ALDH1L2: variants seen among roughly 807,000 people sequenced by gnomAD.
ALDH1L2 encodes the protein aldehyde dehydrogenase 1 family member L2, also known as mitochondrial 10-formyltetrahydrofolate dehydrogenase.
A neutral mutation model predicts 111.0 loss-of-function variants in ALDH1L2; 91 were observed. That is an observed-to-expected ratio of 0.82 (90% confidence interval 0.69 to 0.98). ALDH1L2 has a LOEUF of 0.98. Among genes scored for constraint, ALDH1L2 ranks in the 50% least tolerant of loss-of-function variants. The pLI is 0.00. For missense variants in ALDH1L2, 995 were observed against 1,126.8 expected, an observed-to-expected ratio of 0.88 and a Z score of 1.67; for synonymous variants, 374 against 392.6, an observed-to-expected ratio of 0.95 and a Z score of 0.56.
intron 10 of ALDH1L2, among the ~76,000 whole-genome samples, chr12:105,057,187 A>G (rs936438681): frequency 6.6e-6 from 1 of 152,132 alleles, no homozygotes; most frequent in Non-Finnish European, 1.5e-5. Context: ...GTCATTAGGG[A>G]ATACAAATGA....
chr12:105,029,472 G>A (rs1478369193), intron 21 of ALDH1L2, among the ~76,000 whole-genome samples: 1 of 152,016 alleles, frequency 6.6e-6, no homozygotes, highest in Non-Finnish European at 1.5e-5. Context: ...ACTCCTTAAG[G>A]TCAGGGGCTG....
At chr12:105,060,224 A>G (rs1045971495) in intron 9 of ALDH1L2, among the ~76,000 whole-genome samples, 1 of 152,182 alleles carries the variant, frequency 6.6e-6, no homozygotes, top group Non-Finnish European at 1.5e-5. Flanking sequence ...AATATCAGGT[A>G]TCAGATATTA....
Position 105,046,705 on chromosome 12 carries a change from C to T in ALDH1L2, c.1863+5G>A. 1.2e-6 allele frequency: 2 copies of T among 1,613,528 alleles called. No homozygotes were observed. The highest frequency in any genetic ancestry group is 1.7e-6 in the Non-Finnish European group (2 of 1,179,564). On this transcript the variant is annotated splice_donor_5th_base_variant and intron_variant, in intron 15 of 22. Transcript: ENST00000258494. ...AATTCTGCACCTGGCCCTTTGTGGC[C>T]TTACCTGTGCTGGCTTGAGCACTAA...
At position 105,026,687 on chromosome 12, in the gene ALDH1L2, C is replaced by T; in HGVS notation, c.2574G>A (p.Gly858=). 2 of 1,614,162 alleles carry T rather than the reference C, an allele frequency of 1.2e-6. No homozygotes were observed. Among genetic ancestry groups the T allele is most frequent in the Admixed American group, 1.7e-5 (1 of 60,006 alleles). The stretch of plus-strand genomic sequence containing the variant: ...CTTTGTTTATGTCTCTTGTAAAAAC[C>T]CCTGAGGCCAAACCATACTCTGTAC... ...ANSTEYGLAS[G]VFTRDINKAM... The change falls in exon 22 of 23, where the codon GGG becomes GGA. Residue 858 remains glycine (G), a synonymous_variant. Transcript: ENST00000258494.
chr12:105,060,129 T>A (rs540731644), intron 9 of ALDH1L2, among the ~76,000 whole-genome samples: 27 of 151,702 alleles, frequency 1.8e-4, no homozygotes, highest in Non-Finnish European at 3.4e-4. Flanking sequence ...AGTAGCCTGA[T>A]AACCCTCATT....
intron 6 of ALDH1L2, 125 bp downstream of exon 6, chr12:105,065,142 A>G (rs1383980891): frequency 1.8e-6 from 1 of 546,802 alleles, no homozygotes; most frequent in Admixed American, 2.7e-5. Flanking sequence ...AGTAAAGGGG[A>G]GAGTGAATCA....
intron 10 of ALDH1L2, among the ~76,000 whole-genome samples, chr12:105,057,295 C>T (rs1876690379): frequency 6.6e-6 from 1 of 151,890 alleles, no homozygotes; most frequent in South Asian, 2.1e-4. Flanking sequence ...AAGTTGAAAC[C>T]CTCATACATT....
At chr12:105,030,097 C>G (rs1197224549) in intron 21 of ALDH1L2, 2 of 322,180 alleles carry the variant, frequency 6.2e-6, no homozygotes, top group Non-Finnish European at 1.1e-5. Context: ...AAAATTTATT[C>G]AGCTAAAAGC....
At chr12:105,053,226 A>G (rs1876407028) in intron 10 of ALDH1L2, among the ~76,000 whole-genome samples, 1 of 152,230 alleles carries the variant, frequency 6.6e-6, no homozygotes, top group African/African-American at 2.4e-5. Flanking sequence ...AGATAATGGA[A>G]ACACCACCAT....
At chr12:105,058,951 T>C (rs1006965687) in intron 9 of ALDH1L2, among the ~76,000 whole-genome samples, 2 of 151,800 alleles carry the variant, frequency 1.3e-5, no homozygotes, top group Admixed American at 6.6e-5. Flanking sequence ...AGGAGTATCT[T>C]GCTAGCAAAA....
In ALDH1L2 at chr12:105,052,170, T is replaced by C; in HGVS notation, c.1455A>G (p.Ala485=). 1 of 1,611,726 alleles carries C rather than the reference T, an allele frequency of 6.2e-7. No homozygotes were observed. Among genetic ancestry groups the C allele is most frequent in the Non-Finnish European group, 8.5e-7 (1 of 1,178,748 alleles). ...SYASLADVDK[A]VAAAKDAFEN... Reference sequence around the variant, plus strand: ...CAAAAGCATCTTTTGCTGCTGCTACTGCTTTATCAACATCCGCCAAAGAAG... The same window carrying C: ...CAAAAGCATCTTTTGCTGCTGCTACCGCTTTATCAACATCCGCCAAAGAAG... Residue 485 remains alanine (A), a synonymous_variant, in exon 12 of 23, where the codon GCA becomes GCG. Coordinates refer to ENST00000258494, the MANE Select transcript of ALDH1L2 (RefSeq NM_001034173.4).
chr12:105,035,794 A>G (rs1307723316), intron 18 of ALDH1L2, among the ~76,000 whole-genome samples: 1 of 149,208 alleles, frequency 6.7e-6, no homozygotes, highest in Non-Finnish European at 1.5e-5. Context: ...ATTCACCTGC[A>G]GGAAACCTCC....
At chr12:105,076,983 TG>T (rs1878082430) in intron 1 of ALDH1L2, among the ~76,000 whole-genome samples, 1 of 152,278 alleles carries the variant, frequency 6.6e-6, no homozygotes, top group Non-Finnish European at 1.5e-5. Context: ...GATTCAAACC[TG>T]GATCTGTCTT....
rs904676131 is a variant in ALDH1L2, at chr12:105,021,744, A to G, written c.*2680T>C. On this transcript the variant is annotated 3_prime_UTR_variant, in exon 23 of 23. Coordinates refer to ENST00000258494, the MANE Select transcript of ALDH1L2 (RefSeq NM_001034173.4). The stretch of plus-strand genomic sequence containing the variant: ...AGGCCCTTAATAAATGGTAGCTGTC[A>G]TATCGTATTATTATTGACAGAAGGC... The G allele has an allele frequency of 6.6e-6, 1 of 152,330 alleles. No individual in the cohort carries two copies. Among genetic ancestry groups the G allele is most frequent in the South Asian group, 2.1e-4 (1 of 4,828 alleles). The allele number at this position is 152,330 out of a possible 1,614,324, so 9.4% of individuals were successfully genotyped here.
At chr12:105,046,188 T>TCTCC (rs1875860447) in intron 15 of ALDH1L2, among the ~76,000 whole-genome samples, 1 of 26,196 alleles carries the variant, frequency 3.8e-5, no homozygotes, top group Non-Finnish European at 7.0e-5. Context: ...TCTCTCTCTC[T>TCTCC]CTCTCTATAT....
chr12:105,047,050 C>G, intron 13 of ALDH1L2, 81 bp from the exon 14 acceptor site: 4 of 1,480,052 alleles, frequency 2.7e-6, no homozygotes, highest in Non-Finnish European at 1.9e-6. Context: ...TTTCTGTCTT[C>G]CTCTCTTACT....
intron 12 of ALDH1L2, among the ~76,000 whole-genome samples, chr12:105,051,782 T>C (rs544742307): frequency 1.1e-5 from 1 of 94,896 alleles, no homozygotes; most frequent in East Asian, 2.7e-4. Context: ...GTTTTGCTTC[T>C]TTTTTTTCCT....
chr12:105,064,976 T>G (rs1254006925), intron 6 of ALDH1L2, among the ~76,000 whole-genome samples: 1 of 152,196 alleles, frequency 6.6e-6, no homozygotes, highest in Non-Finnish European at 1.5e-5. Flanking sequence ...AGGAAGCCTT[T>G]CCTAACATGC....
chr12:105,070,490 A>G, intron 3 of ALDH1L2, 80 bp downstream of exon 3: 2 of 1,169,370 alleles, frequency 1.7e-6, no homozygotes, highest in South Asian at 3.1e-5. Flanking sequence ...GGATCATTTG[A>G]GCCCAGGAGT....
Sources: allele counts gnomAD v4.1 joint callset (sites outside exome capture counted in the v4.1 genomes callset), GRCh38; gene constraint gnomAD v4.1.1; transcripts MANE v1.5; gene names NCBI Gene and HGNC (gene_info 2026-07-23, HGNC 2026-07-21).